Variants in TM2D1 observed in about 807,000 individuals in gnomAD.
The protein encoded by TM2D1 is TM2 domain containing 1.
Under a neutral mutation model 28.4 loss-of-function variants are expected in TM2D1, and 15 were observed. The observed-to-expected ratio is 0.53, with a 90% CI of 0.35 to 0.81. The LOEUF (loss-of-function observed/expected upper bound fraction) is 0.81. Among genes scored for constraint, TM2D1 ranks in the 40% least tolerant of loss-of-function variants. The pLI, the probability that TM2D1 is intolerant of heterozygous loss-of-function variation, is 0.01. For synonymous variants in TM2D1, 93 were observed against 96.2 expected, an observed-to-expected ratio of 0.97 and a Z score of 0.20; for missense variants, 236 against 254.9, an observed-to-expected ratio of 0.93 and a Z score of 0.50.
At chr1:61,688,970 G>A (rs911486567) in intron 5 of TM2D1, among the ~76,000 whole-genome samples, 2 of 151,950 alleles carry the variant, frequency 1.3e-5, no homozygotes, top group Admixed American at 1.3e-4. Flanking sequence ...CCGGGAGGTG[G>A]AGGTTGCAGT....
intron 3 of TM2D1, among the ~76,000 whole-genome samples, chr1:61,706,581 G>A (rs1326663735): frequency 2.0e-5 from 3 of 151,938 alleles, no homozygotes; most frequent in African/African-American, 7.2e-5. Context: ...GGCCAAAGCA[G>A]GTGGATCACC....
Position 61,690,589 on chromosome 1 carries a change from T to C in TM2D1, c.513+4108A>G, listed in dbSNP as rs1024942027. Among the ~76,000 whole-genome samples, 3 of 152,034 alleles carry C rather than the reference T, an allele frequency of 2.0e-5. No homozygotes were observed. The South Asian group carries it at 6.2e-4, about 32-fold the overall frequency. The stretch of plus-strand genomic sequence containing the variant: ...AACAATCACTTTTTTAAAAACTACA[T>C]TTTGCATCTCATCTTGCTTGCACTA... On this transcript the variant is annotated intron_variant, in intron 5 of 6. Coordinates refer to ENST00000606498, the MANE Select transcript of TM2D1 (RefSeq NM_032027.3).
At chr1:61,715,659 A>C (rs1644511674) in intron 2 of TM2D1, among the ~76,000 whole-genome samples, 3 of 149,358 alleles carry the variant, frequency 2.0e-5, no homozygotes, top group South Asian at 4.2e-4. Flanking sequence ...AAAAAAAAAA[A>C]AAAAAAAAAA....
At chr1:61,719,585 C>T (rs368751793) in intron 2 of TM2D1, among the ~76,000 whole-genome samples, 2 of 151,744 alleles carry the variant, frequency 1.3e-5, no homozygotes, top group African/African-American at 2.4e-5. Context: ...CTCCACCTCC[C>T]GGGTTCAAGC....
intron 5 of TM2D1, among the ~76,000 whole-genome samples, chr1:61,688,495 C>T (rs532067402): frequency 1.3e-5 from 2 of 152,148 alleles, no homozygotes; most frequent in East Asian, 3.8e-4. Context: ...GAGGCTGAGG[C>T]GGGCAGGTAA....
chr1:61,685,361 CTATT>C (rs1171089040), intron 5 of TM2D1, among the ~76,000 whole-genome samples: 4 of 152,144 alleles, frequency 2.6e-5, no homozygotes, highest in African/African-American at 9.7e-5. Flanking sequence ...TCCTTTGCAA[CTATT>C]TAAACTTATG....
At position 61,683,516 on chromosome 1, in the gene TM2D1, T is replaced by A. The variant is rs769747621; in HGVS notation, c.544A>T (p.Ile182Phe). 1.0e-4 allele frequency: 155 copies of A among 1,540,984 alleles called. No homozygotes were observed. The Middle Eastern group carries it at 1.2e-3, about 12-fold the overall frequency. The stretch of plus-strand genomic sequence containing the variant: ...AGTCTGGTTCCATAGTAATCTATAA[T>A]GTAACTACTTCCATCTGAAGGTCCA... ...IVGPSDGSSYIIDYYGTRLTR... is the reference protein window; with the variant it reads ...IVGPSDGSSYFIDYYGTRLTR... The change falls in exon 6 of 7, where the codon ATT becomes TTT. Residue 182 changes from isoleucine to phenylalanine, a missense_variant. This residue lies in a region of TM2D1 where 64 missense variants were observed against 73.1 expected (regional missense o/e 0.88). Transcript: ENST00000606498.
At chr1:61,684,976 A>G (rs1350189885) in intron 5 of TM2D1, among the ~76,000 whole-genome samples, 4 of 152,062 alleles carry the variant, frequency 2.6e-5, no homozygotes, top group Non-Finnish European at 5.9e-5. Flanking sequence ...TAGAGACAGG[A>G]TTTCACTATG....
chr1:61,690,367 G>C (rs1387739374), intron 5 of TM2D1, among the ~76,000 whole-genome samples: 1 of 139,248 alleles, frequency 7.2e-6, no homozygotes, highest in Non-Finnish European at 1.5e-5. Flanking sequence ...TGAGGGATGA[G>C]AATCGCTTGA....
intron 2 of TM2D1, among the ~76,000 whole-genome samples, chr1:61,711,355 A>G (rs1779267): frequency 0.35 from 52,342 of 151,074 alleles, 10,945 homozygotes; most frequent in African/African-American, 0.59. Context: ...AAAAAAAAAT[A>G]TACAAAGAGA....
chr1:61,696,058 C>A (rs767800048), intron 4 of TM2D1: 1 of 152,140 alleles, frequency 6.6e-6, no homozygotes, highest in Non-Finnish European at 1.5e-5. Context: ...ATCATTTCAT[C>A]CATTACCTTA....
intron 3 of TM2D1, among the ~76,000 whole-genome samples, chr1:61,701,772 CA>C (rs1173646994): frequency 6.6e-6 from 1 of 151,908 alleles, no homozygotes; most frequent in African/African-American, 2.4e-5. Flanking sequence ...GAAGGCAATG[CA>C]AAAACTAATG....
intron 3 of TM2D1, 116 bp downstream of exon 3, chr1:61,709,213 A>G: frequency 1.4e-6 from 1 of 694,264 alleles, no homozygotes; most frequent in Non-Finnish European, 2.4e-6. Flanking sequence ...GACACAAGCA[A>G]AAAGATAAAA....
At chr1:61,682,569 ATGGTAT>A (rs1177328900) in intron 6 of TM2D1, among the ~76,000 whole-genome samples, 2 of 152,204 alleles carry the variant, frequency 1.3e-5, no homozygotes, top group African/African-American at 4.8e-5. Context: ...AGGAAAAAGG[ATGGTAT>A]CTCTGACTTC....
intron 2 of TM2D1, among the ~76,000 whole-genome samples, chr1:61,722,135 A>T (rs1478706060): frequency 2.0e-5 from 3 of 151,734 alleles, no homozygotes; most frequent in Admixed American, 6.6e-5. Context: ...AAATAAAATA[A>T]ATTAGCTGGG....
intron 3 of TM2D1, among the ~76,000 whole-genome samples, chr1:61,704,855 A>G (rs1370631932): frequency 2.0e-5 from 3 of 152,176 alleles, no homozygotes; most frequent in Non-Finnish European, 4.4e-5. Flanking sequence ...ACTTCAGGCC[A>G]TGAATTTGAG....
At chr1:61,695,718 G>A (rs1212215648) in intron 4 of TM2D1, among the ~76,000 whole-genome samples, 2 of 152,220 alleles carry the variant, frequency 1.3e-5, no homozygotes, top group African/African-American at 2.4e-5. Context: ...ATTGAACTAT[G>A]TAAGGACATT....
At chr1:61,691,038 G>C (rs1644320093) in intron 5 of TM2D1, among the ~76,000 whole-genome samples, 1 of 152,120 alleles carries the variant, frequency 6.6e-6, no homozygotes, top group South Asian at 2.1e-4. Flanking sequence ...GACAAAGAAA[G>C]AACCCAGCAT....
intron 3 of TM2D1, among the ~76,000 whole-genome samples, chr1:61,707,321 C>T (rs1253023052): frequency 2.6e-5 from 4 of 152,072 alleles, no homozygotes; most frequent in Non-Finnish European, 5.9e-5. Context: ...CAGCCTAATC[C>T]ATTTTGAGAC....
Sources: allele counts gnomAD v4.1 joint callset (sites outside exome capture counted in the v4.1 genomes callset), GRCh38; gene constraint gnomAD v4.1.1; regional missense constraint gnomAD v4.1.1; transcripts MANE v1.5; gene names NCBI Gene and HGNC (gene_info 2026-07-23, HGNC 2026-07-21).